MEGF6: variants seen among roughly 807,000 people sequenced by gnomAD.
The protein encoded by MEGF6 is multiple EGF like domains 6.
MEGF6 carries 184 observed loss-of-function variants against 207.1 expected under a neutral mutation model. The observed-to-expected ratio is 0.89, with a 90% CI of 0.79 to 1.00. The LOEUF (loss-of-function observed/expected upper bound fraction) is 1.00, where lower values mean the gene tolerates loss of function less well. Ranked by LOEUF, MEGF6 falls within the 50% of genes least tolerant of loss-of-function variation. MEGF6 has a pLI of 0.00. For missense variants in MEGF6, 2,282 were observed against 2,202.9 expected (o/e 1.04, Z -0.72); for synonymous variants, 1,038 against 910.0 (o/e 1.14, Z -2.53).
Position 3,495,982 on chromosome 1 carries a change from T to C in MEGF6, c.3779A>G (p.His1260Arg). 1 of 1,559,116 alleles carries C rather than the reference T, an allele frequency of 6.4e-7. No homozygotes were observed. Among genetic ancestry groups the C allele is most frequent in the Non-Finnish European group, 8.6e-7 (1 of 1,159,994 alleles). ...PQGRFGPNCT[H>R]VCGCGQGAAC... is the part of the protein sequence containing the mutation. ...CGCCCCCTGCCCACACCCACACACG[T>C]GGGTGCAGTTGGGGCCGAAGCGGCC... Residue 1260 changes from histidine (H) to arginine (R), a missense_variant, in exon 30 of 37, where the codon CAC becomes CGC. Transcript: ENST00000356575.
At chr1:3,593,083 G>A (rs964599602) in intron 3 of MEGF6, among the ~76,000 whole-genome samples, 1 of 152,216 alleles carries the variant, frequency 6.6e-6, no homozygotes, top group East Asian at 1.9e-4. Flanking sequence ...ACATGCAGAT[G>A]GCGGCCTAGT....
chr1:3,519,176 G>A (rs988664284), intron 5 of MEGF6, among the ~76,000 whole-genome samples: 18 of 152,264 alleles, frequency 1.2e-4, no homozygotes, highest in African/African-American at 4.3e-4. Flanking sequence ...CCCTGGCCAG[G>A]GCCAGATCAT....
intron 2 of MEGF6, among the ~76,000 whole-genome samples, chr1:3,599,829 G>C (rs1345922766): frequency 6.6e-6 from 1 of 152,108 alleles, no homozygotes; most frequent in Non-Finnish European, 1.5e-5. Flanking sequence ...GGGCTGTTCT[G>C]CGCGTGGGCA....
At chr1:3,498,532 G>A (rs1640712593) in intron 25 of MEGF6, 33 bp from the exon 26 acceptor site, 2 of 1,535,280 alleles carry the variant, frequency 1.3e-6, no homozygotes, top group Non-Finnish European at 1.8e-6. Context: ...GAGGGTGAGG[G>A]TCCTGCCTCC....
At chr1:3,598,729 C>G (rs1158496939) in intron 2 of MEGF6, among the ~76,000 whole-genome samples, 7 of 142,484 alleles carry the variant, frequency 4.9e-5, no homozygotes, top group African/African-American at 1.5e-4. Context: ...CCCCCCCCCC[C>G]CCGGGGCCCA....
At chr1:3,494,887 C>A (rs1449619105) in intron 30 of MEGF6, 146 bp from the exon 31 acceptor site, 50 of 1,264,178 alleles carry the variant, frequency 4.0e-5, no homozygotes, top group Non-Finnish European at 5.1e-5. Context: ...CGGGCACATG[C>A]CAGGGAGTGG....
At position 3,494,087 on chromosome 1, in the gene MEGF6, C is replaced by T. The variant is rs1460299711; in HGVS notation, c.4167G>A (p.Gly1389=). 1.3e-6 allele frequency: 2 copies of T among 1,590,334 alleles called. No homozygotes were observed. The highest frequency in any genetic ancestry group is 1.1e-5 in the South Asian group (1 of 88,294). ...PPGFHGAGCQ[G]LCWCQHGAPC... ...GGGCTCCATGTTGACACCAGCACAA[C>T]CCCTGGCAGCCAGCCCCGTGGAAGC... Residue 1389 remains glycine (G), a synonymous_variant, in exon 33 of 37, where the codon GGG becomes GGA. Coordinates refer to ENST00000356575, the MANE Select transcript of MEGF6 (RefSeq NM_001409.4).
At chr1:3,608,342 G>A (rs74048679) in intron 1 of MEGF6, among the ~76,000 whole-genome samples, 1 of 152,060 alleles carries the variant, frequency 6.6e-6, no homozygotes, top group African/African-American at 2.4e-5. Context: ...TCCAGGTCAC[G>A]TGCTGTGAAA....
chr1:3,544,796 C>T (rs957476700), intron 4 of MEGF6, among the ~76,000 whole-genome samples: 9 of 152,342 alleles, frequency 5.9e-5, no homozygotes, highest in African/African-American at 1.2e-4. Context: ...TCAGACCCCA[C>T]GCAGCAACTG....
At chr1:3,538,135 G>A (rs570859204) in intron 4 of MEGF6, among the ~76,000 whole-genome samples, 48 of 152,350 alleles carry the variant, frequency 3.2e-4, no homozygotes, top group Admixed American at 5.9e-4. Context: ...CAAGTGGCAC[G>A]TGGATCTGCC....
intron 4 of MEGF6, among the ~76,000 whole-genome samples, chr1:3,562,871 G>T (rs2101651121): frequency 6.6e-6 from 1 of 152,274 alleles, no homozygotes; most frequent in Middle Eastern, 3.4e-3. Context: ...CAGGGCCTTG[G>T]TGACAGTGGA....
At position 3,505,321 on chromosome 1, in the gene MEGF6, C is replaced by T. The variant is rs756390018; in HGVS notation, c.2075G>A (p.Gly692Glu). 1 of 1,611,446 alleles carries T rather than the reference C, an allele frequency of 6.2e-7. No individual in the cohort carries two copies. The highest frequency in any genetic ancestry group is 8.5e-7 in the Non-Finnish European group (1 of 1,179,422). ...CQAECELGYF[G>E]PGCWQACTCP... ...GGTGCATGCCTGCCAGCACCCCGGC[C>T]CAAAGTAGCCCAGCTCACACTCTGC... The change falls in exon 17 of 37, where the codon GGG becomes GAG. Residue 692 changes from glycine (G) to glutamate (E), a missense_variant. Gly to Glu is a moderately conservative substitution (Grantham distance 98). Transcript: ENST00000356575.
intron 28 of MEGF6, 84 bp from the exon 29 acceptor site, chr1:3,496,867 A>AC: frequency 1.3e-6 from 2 of 1,515,788 alleles, no homozygotes; most frequent in Non-Finnish European, 1.8e-6. Context: ...CTCTCATGAG[A>AC]CCCCCACACC....
At chr1:3,566,915 C>T (rs1228238509) in intron 4 of MEGF6, among the ~76,000 whole-genome samples, 2 of 152,204 alleles carry the variant, frequency 1.3e-5, no homozygotes, top group African/African-American at 2.4e-5. Flanking sequence ...TCCTGGGGAG[C>T]GTCCTATCTG....
chr1:3,602,372 CG>C, intron 2 of MEGF6, 93 bp downstream of exon 2: 1 of 1,556,990 alleles, frequency 6.4e-7, no homozygotes, highest in Non-Finnish European at 8.7e-7. Context: ...GAGACCAGGA[CG>C]GGGTCCTGGC....
chr1:3,546,553 T>C lies in MEGF6; in HGVS notation c.482-22307A>G, dbSNP rs534643418. Among the ~76,000 whole-genome samples the C allele has an allele frequency of 1.8e-3, 246 of 139,482 alleles. 1 individual carries two copies. The highest frequency in any genetic ancestry group is 6.0e-3 in the African/African-American group (222 of 37,288). The allele number at this position is 139,482 out of a possible 152,430, so 91.5% of individuals were successfully genotyped here. A position where few individuals can be genotyped will look rare whatever the true frequency, so the allele number is the denominator to read the frequency against. On this transcript the variant is annotated intron_variant, in intron 4 of 36. Transcript: ENST00000356575. ...GCACCGAGGCGGGGTGGCAGTGGGC[T>C]GGGAAGGGGGCTGCCAGGGAGGCCG...
chr1:3,496,184 C>T (rs1569935417), intron 29 of MEGF6, among the ~76,000 whole-genome samples, 166 bp from the exon 30 acceptor site: 3 of 152,208 alleles, frequency 2.0e-5, no homozygotes, highest in East Asian at 3.9e-4. Context: ...CATCTCCCTT[C>T]CACCCGCAGG....
At chr1:3,592,037 C>T (rs1643988133) in intron 3 of MEGF6, among the ~76,000 whole-genome samples, 2 of 152,326 alleles carry the variant, frequency 1.3e-5, no homozygotes, top group South Asian at 4.1e-4. Flanking sequence ...TGGCTCAGGT[C>T]AGGCCAGGCC....
chr1:3,534,826 C>T (rs1359169390), intron 4 of MEGF6, among the ~76,000 whole-genome samples: 1 of 152,158 alleles, frequency 6.6e-6, no homozygotes, highest in Non-Finnish European at 1.5e-5. Context: ...GCCATCACCT[C>T]CATACCCCCA....
Sources: gnomAD v4.1 joint callset for allele counts (sites outside exome capture counted in the v4.1 genomes callset) on GRCh38, gnomAD v4.1.1 for gene constraint, MANE v1.5 for transcripts, NCBI Gene and HGNC (gene_info 2026-07-23, HGNC 2026-07-21) for gene names.